Variants in BHMT observed in about 807,000 individuals in gnomAD.
BHMT encodes the protein betaine--homocysteine S-methyltransferase.
In BHMT, 38 loss-of-function variants were observed where a neutral mutation model predicts 49.5. That is an observed-to-expected ratio of 0.77 (90% CI 0.59 to 1.01). BHMT has a LOEUF of 1.01. BHMT is among the 50% of genes least tolerant of loss of function. BHMT has a pLI of 0.00. For synonymous variants in BHMT, 166 were observed against 176.3 expected (o/e 0.94, Z 0.46); for missense variants, 426 against 495.7 (o/e 0.86, Z 1.34).
intron 1 of BHMT, among the ~76,000 whole-genome samples, 190 bp downstream of exon 1, chr5:79,112,108 A>G (rs1180154463): frequency 1.3e-5 from 2 of 151,822 alleles, no homozygotes; most frequent in African/African-American, 4.8e-5. Flanking sequence ...GGCGCCTCTG[A>G]GCCTCCCCAC....
At chr5:79,124,781 T>C (rs1756522947) in intron 5 of BHMT, among the ~76,000 whole-genome samples, 1 of 152,190 alleles carries the variant, frequency 6.6e-6, no homozygotes, top group Non-Finnish European at 1.5e-5. Flanking sequence ...CTGGGGAGGC[T>C]GAAATGTAAA....
chr5:79,121,413 C>A, intron 5 of BHMT, 48 bp downstream of exon 5: 1 of 1,603,454 alleles, frequency 6.2e-7, no homozygotes, highest in Non-Finnish European at 8.5e-7. Context: ...CTTAAAAGAA[C>A]ACACTAGTGC....
chr5:79,119,029 G>A (rs1321128633), intron 2 of BHMT, among the ~76,000 whole-genome samples: 1 of 152,126 alleles, frequency 6.6e-6, no homozygotes, highest in Non-Finnish European at 1.5e-5. Flanking sequence ...AACAAGATGA[G>A]CAAATACAGG....
At position 79,131,007 on chromosome 5, in the gene BHMT, A is replaced by C; in HGVS notation, c.1112A>C (p.Asp371Ala). The C allele has an allele frequency of 6.2e-7, 1 of 1,614,050 alleles. No individual in the cohort carries two copies. Among genetic ancestry groups the C allele is most frequent in the Non-Finnish European group, 8.5e-7 (1 of 1,180,004 alleles). Residue 371 changes from aspartate (D) to alanine (A), a missense_variant, in exon 8 of 8, where the codon GAT becomes GCT. Coordinates refer to ENST00000274353, the MANE Select transcript of BHMT (RefSeq NM_001713.3). ...TACAACCCTTCAATGTCAAAGCCAGATGGCTGGGGAGTGACCAAAGGAACA... is the reference window on the plus strand; with the variant it reads ...TACAACCCTTCAATGTCAAAGCCAGCTGGCTGGGGAGTGACCAAAGGAACA... Reference protein sequence around the residue: ...RPYNPSMSKPDGWGVTKGTAE... With the variant: ...RPYNPSMSKPAGWGVTKGTAE...
chr5:79,129,578 TA>T (rs1165630333), intron 7 of BHMT, among the ~76,000 whole-genome samples: 2 of 152,150 alleles, frequency 1.3e-5, no homozygotes, highest in Non-Finnish European at 2.9e-5. Context: ...TGGTCTCAGG[TA>T]GCCCAGGGCA....
At chr5:79,121,840 T>G (rs1756478463) in intron 5 of BHMT, among the ~76,000 whole-genome samples, 1 of 145,716 alleles carries the variant, frequency 6.9e-6, no homozygotes, top group Non-Finnish European at 1.5e-5. Context: ...AAAAAGAATA[T>G]CCTCAGTCTA....
chr5:79,127,779 G>A lies in BHMT; in HGVS notation c.833G>A (p.Arg278Lys). 6.2e-7 allele frequency: 1 copy of A among 1,614,078 alleles called. No individual in the cohort carries two copies. Residue 278 changes from arginine to lysine, a missense_variant, in exon 7 of 8, where the codon AGA (arginine) becomes AAA (lysine). Physicochemically the swap from Arg to Lys is conservative, Grantham distance 26 (BLOSUM62 2). Coordinates refer to ENST00000274353, the MANE Select transcript of BHMT (RefSeq NM_001713.3). ...PFGLEPRVAT[R>K]WDIQKYAREA... is the part of the protein sequence containing the mutation. Reference sequence around the variant, plus strand: ...GGACTGGAACCCAGAGTTGCCACCAGATGGGATATTCAAAAATACGCCAGA... The same window carrying A: ...GGACTGGAACCCAGAGTTGCCACCAAATGGGATATTCAAAAATACGCCAGA...
chr5:79,125,444 A>G (rs1231193214), intron 5 of BHMT, among the ~76,000 whole-genome samples: 2 of 141,572 alleles, frequency 1.4e-5, no homozygotes, highest in Non-Finnish European at 3.0e-5. Flanking sequence ...CAACAGAGCA[A>G]GAGTCTGTGT....
chr5:79,128,043 A>G, intron 7 of BHMT, 60 bp downstream of exon 7: 4 of 1,532,434 alleles, frequency 2.6e-6, no homozygotes, highest in South Asian at 1.2e-5. Flanking sequence ...AAGTGAGGCC[A>G]TTTAGAAGAC....
chr5:79,122,128 G>C (rs187182799), intron 5 of BHMT, among the ~76,000 whole-genome samples: 2 of 151,994 alleles, frequency 1.3e-5, no homozygotes, highest in African/African-American at 2.4e-5. Flanking sequence ...TTTTTTAGTA[G>C]AGACGGGGTT....
At chr5:79,113,031 T>G (rs2112720951) in intron 1 of BHMT, among the ~76,000 whole-genome samples, 1 of 152,342 alleles carries the variant, frequency 6.6e-6, no homozygotes, top group African/African-American at 2.4e-5. Context: ...CTCATCCCAG[T>G]GCCTGCCCTG....
At chr5:79,126,254 C>G (rs1756551269) in intron 6 of BHMT, 26 bp downstream of exon 6, 1 of 1,606,712 alleles carries the variant, frequency 6.2e-7, no homozygotes. Flanking sequence ...GATGAATCAT[C>G]TCAATATCTT....
chr5:79,125,596 T>C (rs1423877508), intron 5 of BHMT, among the ~76,000 whole-genome samples: 2 of 152,238 alleles, frequency 1.3e-5, no homozygotes, highest in East Asian at 3.9e-4. Flanking sequence ...GGTAAGAGGT[T>C]TGTGGGGAAT....
intron 5 of BHMT, among the ~76,000 whole-genome samples, chr5:79,121,713 G>T (rs762687727): frequency 2.8e-4 from 42 of 151,110 alleles, no homozygotes; most frequent in Non-Finnish European, 3.1e-4. Context: ...TACTCGGGAG[G>T]CTGAGGCAGG....
At chr5:79,122,423 A>G (rs1756486469) in intron 5 of BHMT, among the ~76,000 whole-genome samples, 1 of 152,194 alleles carries the variant, frequency 6.6e-6, no homozygotes, top group Admixed American at 6.5e-5. Context: ...TGATGTCAGG[A>G]ACAATGTCCT....
intron 7 of BHMT, 131 bp downstream of exon 7, chr5:79,128,114 T>G (rs1756579991): frequency 8.9e-7 from 1 of 1,123,840 alleles, no homozygotes; most frequent in South Asian, 1.6e-5. Flanking sequence ...CTCCCAGAGA[T>G]GTTTACAAAG....
chr5:79,122,643 T>C (rs781666506), intron 5 of BHMT, among the ~76,000 whole-genome samples: 6 of 151,948 alleles, frequency 3.9e-5, no homozygotes, highest in Non-Finnish European at 7.4e-5. Flanking sequence ...TCCCACTTGG[T>C]TCCAGACTTG....
intron 3 of BHMT, 47 bp downstream of exon 3, chr5:79,119,424 A>G (rs748259122): frequency 8.2e-6 from 12 of 1,461,734 alleles, no homozygotes; most frequent in Non-Finnish European, 8.6e-6. Context: ...TTGTCGACCT[A>G]TTGCATCAAC....
intron 5 of BHMT, among the ~76,000 whole-genome samples, chr5:79,123,129 A>T (rs1002160931): frequency 2.0e-4 from 31 of 152,198 alleles, no homozygotes; most frequent in African/African-American, 6.5e-4. Context: ...GGGGAGTGTC[A>T]ATGAAGGAGG....
Sources: allele counts gnomAD v4.1 joint callset (sites outside exome capture counted in the v4.1 genomes callset), GRCh38; gene constraint gnomAD v4.1.1; transcripts MANE v1.5; gene names NCBI Gene and HGNC (gene_info 2026-07-23, HGNC 2026-07-21).